ENTREP2: variants seen among roughly 807,000 people sequenced by gnomAD.
ENTREP2 encodes the protein protein ENTREP2.
chr15:29,136,977 C>T, the ENTREP2 span: 28 of 1,353,906 alleles, frequency 2.1e-5, no homozygotes, highest in Admixed American at 8.0e-5. Context: ...TCCCACCACC[C>T]GGACACTGCT....
At chr15:29,487,464 T>C in the ENTREP2 span, among the ~76,000 whole-genome samples, 5 of 152,312 alleles carry the variant, frequency 3.3e-5, no homozygotes, top group East Asian at 7.7e-4. Flanking sequence ...TGCCTCTCTC[T>C]CCAACCCCCT....
the ENTREP2 span, among the ~76,000 whole-genome samples, chr15:29,541,628 C>G: frequency 3.9e-5 from 6 of 152,034 alleles, no homozygotes; most frequent in Non-Finnish European, 5.9e-5. Context: ...AATCTCACAC[C>G]CTTGTCTTAG....
At chr15:29,511,489 C>T in the ENTREP2 span, among the ~76,000 whole-genome samples, 1 of 151,650 alleles carries the variant, frequency 6.6e-6, no homozygotes, top group Non-Finnish European at 1.5e-5. Flanking sequence ...CCACCATGTC[C>T]AGCTGATTTT....
chr15:29,520,480 T>A, the ENTREP2 span, among the ~76,000 whole-genome samples: 4 of 152,100 alleles, frequency 2.6e-5, no homozygotes, highest in African/African-American at 9.7e-5. Context: ...TTACTCACTA[T>A]CAATATTTTT....
At chr15:29,395,418 C>T in the ENTREP2 span, among the ~76,000 whole-genome samples, 3 of 151,978 alleles carry the variant, frequency 2.0e-5, no homozygotes, top group Non-Finnish European at 2.9e-5. Flanking sequence ...GAGTGGAAAA[C>T]AGTATAAACC....
At chr15:29,358,522 G>A in the ENTREP2 span, among the ~76,000 whole-genome samples, 1 of 152,164 alleles carries the variant, frequency 6.6e-6, no homozygotes, top group East Asian at 1.9e-4. Context: ...TCTGGTGCTG[G>A]TTGGTGGGGC....
the ENTREP2 span, among the ~76,000 whole-genome samples, chr15:29,146,190 A>G: frequency 1.3e-5 from 2 of 152,244 alleles, no homozygotes; most frequent in African/African-American, 2.4e-5. Context: ...CCTCATGTCC[A>G]TAGGTTGGAG....
the ENTREP2 span, among the ~76,000 whole-genome samples, chr15:29,529,535 T>C: frequency 6.6e-6 from 1 of 151,914 alleles, no homozygotes; most frequent in South Asian, 2.1e-4. Flanking sequence ...GCTGGGGAAC[T>C]GGGCTCTAGG....
chr15:29,300,039 A>G, the ENTREP2 span, among the ~76,000 whole-genome samples: 1 of 146,542 alleles, frequency 6.8e-6, no homozygotes, highest in Non-Finnish European at 1.5e-5. Flanking sequence ...GTGAATGGGT[A>G]GATAGATGGA....
chr15:29,291,842 T>C, the ENTREP2 span, among the ~76,000 whole-genome samples: 1 of 151,410 alleles, frequency 6.6e-6, no homozygotes, highest in Non-Finnish European at 1.5e-5. Context: ...GCAAAACTTT[T>C]AGGTTTGCAT....
the ENTREP2 span, among the ~76,000 whole-genome samples, chr15:29,189,399 T>A: frequency 6.7e-6 from 1 of 149,758 alleles, no homozygotes; most frequent in Admixed American, 6.7e-5. Context: ...AGTAGAGCAC[T>A]GGAGGCTGGA....
the ENTREP2 span, among the ~76,000 whole-genome samples, chr15:29,591,078 C>T: frequency 6.6e-6 from 1 of 152,140 alleles, no homozygotes; most frequent in Non-Finnish European, 1.5e-5. Context: ...TCATTTCTTT[C>T]TATCTAAAAA....
chr15:29,594,169 G>A, the ENTREP2 span, among the ~76,000 whole-genome samples: 6 of 152,152 alleles, frequency 3.9e-5, no homozygotes, highest in East Asian at 1.9e-4. Context: ...AGCTATGAGC[G>A]CAACAGGCTG....
chr15:29,356,256 A>G, the ENTREP2 span, among the ~76,000 whole-genome samples: 17 of 103,050 alleles, frequency 1.6e-4, no homozygotes, highest in African/African-American at 3.4e-4. Flanking sequence ...ATGTATATAT[A>G]TGTGTGTGTG....
chr15:29,301,952 A>G, the ENTREP2 span, among the ~76,000 whole-genome samples: 5 of 152,146 alleles, frequency 3.3e-5, no homozygotes, highest in Non-Finnish European at 5.9e-5. Flanking sequence ...CTGAACTGTG[A>G]GCAATAAATG....
the ENTREP2 span, among the ~76,000 whole-genome samples, chr15:29,652,005 G>A: frequency 6.6e-6 from 1 of 152,168 alleles, no homozygotes; most frequent in Non-Finnish European, 1.5e-5. Context: ...GGGAACTCAT[G>A]GTGCTTTTTC....
chr15:29,473,940 A>C, the ENTREP2 span, among the ~76,000 whole-genome samples: 2 of 152,186 alleles, frequency 1.3e-5, no homozygotes, highest in Non-Finnish European at 2.9e-5. Flanking sequence ...GGGCCACGGC[A>C]GTCCGGACTC....
the ENTREP2 span, among the ~76,000 whole-genome samples, chr15:29,272,706 G>A: frequency 6.6e-6 from 1 of 152,148 alleles, no homozygotes; most frequent in Non-Finnish European, 1.5e-5. Context: ...TATAGGAGGA[G>A]TCATGAACAT....
chr15:29,375,363 A>T, the ENTREP2 span: 4 of 152,304 alleles, frequency 2.6e-5, no homozygotes, highest in African/African-American at 9.6e-5. Flanking sequence ...GATCAGTAGC[A>T]GCTGAATATT....
Sources: allele counts gnomAD v4.1 joint callset (sites outside exome capture counted in the v4.1 genomes callset), GRCh38; gene constraint gnomAD v4.1.1; transcripts MANE v1.5; gene names NCBI Gene and HGNC (gene_info 2026-07-23, HGNC 2026-07-21).